Variants in PCDH9 observed in about 807,000 individuals in gnomAD.
The protein encoded by PCDH9 is protocadherin 9, also known as protocadherin-9.
A neutral mutation model predicts 70.6 loss-of-function variants in PCDH9; 24 were observed. The ratio of observed to expected loss-of-function variants is 0.34; its 90% confidence interval spans 0.25 to 0.48. PCDH9 has a LOEUF of 0.48. Ranked by LOEUF, PCDH9 falls within the 20% of genes least tolerant of loss-of-function variation. PCDH9 has a pLI of 0.99. For missense variants in PCDH9, 1,281 were observed against 1,503.6 expected, an observed-to-expected ratio of 0.85 and a Z score of 2.45; for synonymous variants, 562 against 558.5, an observed-to-expected ratio of 1.01 and a Z score of -0.09.
At chr13:66,799,955 G>T (rs2080300130) in intron 3 of PCDH9, among the ~76,000 whole-genome samples, 1 of 152,116 alleles carries the variant, frequency 6.6e-6, no homozygotes, top group Admixed American at 6.6e-5. Flanking sequence ...GATGGGGACA[G>T]GAACTTGCTA....
intron 3 of PCDH9, among the ~76,000 whole-genome samples, chr13:66,878,259 T>G (rs1450902451): frequency 6.6e-6 from 1 of 151,970 alleles, no homozygotes; most frequent in Non-Finnish European, 1.5e-5. Context: ...TGGAGTCTCA[T>G]TCTGTCGCCC....
chr13:67,062,251 G>GA (rs2085553607), intron 2 of PCDH9, among the ~76,000 whole-genome samples: 1 of 151,954 alleles, frequency 6.6e-6, no homozygotes, highest in African/African-American at 2.4e-5. Context: ...ATTAAAAAAT[G>GA]AAAAAAATAC....
At chr13:66,603,965 T>G (rs2077192310) in intron 4 of PCDH9, among the ~76,000 whole-genome samples, 1 of 152,086 alleles carries the variant, frequency 6.6e-6, no homozygotes, top group Non-Finnish European at 1.5e-5. Context: ...TTAAATTAGA[T>G]GTGGTTGTAA....
chr13:66,757,731 T>A (rs1464898620), intron 3 of PCDH9, among the ~76,000 whole-genome samples: 1 of 152,124 alleles, frequency 6.6e-6, no homozygotes, highest in Non-Finnish European at 1.5e-5. Context: ...GGTGTAATTA[T>A]TCGATATCTT....
intron 3 of PCDH9, among the ~76,000 whole-genome samples, chr13:66,854,278 G>A (rs1449513434): frequency 1.3e-5 from 2 of 152,092 alleles, no homozygotes; most frequent in East Asian, 3.8e-4. Flanking sequence ...GTATAGTCAT[G>A]GCTGCTAAAT....
intron 3 of PCDH9, among the ~76,000 whole-genome samples, chr13:66,714,428 C>A (rs752029653): frequency 8.7e-5 from 13 of 149,796 alleles, no homozygotes; most frequent in Non-Finnish European, 1.3e-4. Context: ...CGTGCCACTG[C>A]ACTCCAGCCT....
intron 2 of PCDH9, among the ~76,000 whole-genome samples, chr13:67,023,191 T>C (rs1379623519): frequency 3.3e-5 from 5 of 152,164 alleles, no homozygotes; most frequent in Non-Finnish European, 7.3e-5. Context: ...TGAGCCGTTC[T>C]TTTAGAAGAA....
intron 2 of PCDH9, among the ~76,000 whole-genome samples, chr13:67,132,479 A>C (rs1030165981): frequency 3.3e-5 from 5 of 152,180 alleles, no homozygotes; most frequent in Non-Finnish European, 5.9e-5. Flanking sequence ...GTATTTACCA[A>C]CCGAAAGTGC....
chr13:67,051,922 CTA>C (rs1234097118), intron 2 of PCDH9, among the ~76,000 whole-genome samples: 1 of 152,062 alleles, frequency 6.6e-6, no homozygotes. Context: ...ACAATTTATG[CTA>C]TGTTTTAAGT....
chr13:66,758,113 A>G (rs1158065223), intron 3 of PCDH9, among the ~76,000 whole-genome samples: 1 of 152,100 alleles, frequency 6.6e-6, no homozygotes, highest in East Asian at 1.9e-4. Context: ...TATATTTATT[A>G]TGTACAACAT....
rs746598383 is a variant in PCDH9 at position 67,227,194 on chromosome 13, T to C, written c.1247A>G (p.Asp416Gly). 1 of 1,613,450 alleles carries C rather than the reference T, an allele frequency of 6.2e-7. No individual in the cohort carries two copies. The highest frequency in any genetic ancestry group is 8.5e-7 in the Non-Finnish European group (1 of 1,179,360). Residue 416 changes from aspartate to glycine, a missense_variant, in exon 2 of 5, where the codon GAC (aspartate) becomes GGC (glycine). Physicochemically the swap from Asp to Gly is moderately conservative, Grantham distance 94 (BLOSUM62 -1). This residue lies in a region of PCDH9 where 798 missense variants were observed against 1,003.1 expected (regional missense o/e 0.80). Transcript: ENST00000377865. The surrounding 1 kb of genome is among the most constrained non-coding windows in gnomAD (Gnocchi z 4.6). Reference protein sequence around the residue: ...EVPFHLKAVYDNQYLLETSSL... With the variant: ...EVPFHLKAVYGNQYLLETSSL... ...AGAGGTCTCTAACAAATATTGGTTG[T>C]CATATACCGCCTTCAAATGAAATGG...
At chr13:66,472,479 G>A (rs528624468) in intron 4 of PCDH9, among the ~76,000 whole-genome samples, 1 of 151,600 alleles carries the variant, frequency 6.6e-6, no homozygotes, top group Non-Finnish European at 1.5e-5. Context: ...TGAGGAGGGA[G>A]GATCACTTGA....
intron 3 of PCDH9, among the ~76,000 whole-genome samples, chr13:66,665,314 G>T (rs547603587): frequency 6.6e-6 from 1 of 152,154 alleles, no homozygotes; most frequent in East Asian, 1.9e-4. Flanking sequence ...GGCCAGTCTG[G>T]TCTCGAACTC....
At chr13:66,551,350 C>T (rs994004608) in intron 4 of PCDH9, among the ~76,000 whole-genome samples, 16 of 152,048 alleles carry the variant, frequency 1.1e-4, no homozygotes, top group Non-Finnish European at 2.9e-5. Flanking sequence ...CACTGCTCAC[C>T]AGGTGAGGAA....
At chr13:66,825,561 T>C (rs2080808599) in intron 3 of PCDH9, among the ~76,000 whole-genome samples, 1 of 151,652 alleles carries the variant, frequency 6.6e-6, no homozygotes, top group Non-Finnish European at 1.5e-5. Flanking sequence ...GGTCTCGATC[T>C]CCTGACCTCG....
chr13:66,682,187 C>T (rs1352819246), intron 3 of PCDH9, among the ~76,000 whole-genome samples: 1 of 151,920 alleles, frequency 6.6e-6, no homozygotes, highest in Non-Finnish European at 1.5e-5. Flanking sequence ...ATCATCCCTG[C>T]TCTATGAAAT....
chr13:66,607,381 C>T (rs1045594831), intron 4 of PCDH9, among the ~76,000 whole-genome samples: 2 of 151,968 alleles, frequency 1.3e-5, no homozygotes, highest in African/African-American at 2.4e-5. Context: ...TTATTATTAA[C>T]GTCCAAACTC....
At chr13:66,852,817 G>C (rs2081335872) in intron 3 of PCDH9, among the ~76,000 whole-genome samples, 1 of 149,774 alleles carries the variant, frequency 6.7e-6, no homozygotes, top group Non-Finnish European at 1.5e-5. Flanking sequence ...TGGGATACAG[G>C]TTACAAATAC....
chr13:67,098,562 T>A (rs1411798044), intron 2 of PCDH9, among the ~76,000 whole-genome samples: 6 of 152,188 alleles, frequency 3.9e-5, no homozygotes, highest in Admixed American at 2.0e-4. Context: ...TGATTATATT[T>A]ATGTAACCAA....
Sources: allele counts gnomAD v4.1 joint callset (sites outside exome capture counted in the v4.1 genomes callset), GRCh38; gene constraint gnomAD v4.1.1; regional missense constraint gnomAD v4.1.1; non-coding constraint Gnocchi (gnomAD v3.1); transcripts MANE v1.5; gene names NCBI Gene and HGNC (gene_info 2026-07-23, HGNC 2026-07-21).